The following BMP1 variants were observed in gnomAD, a reference collection of about 807,000 sequenced individuals.
The protein encoded by BMP1 is bone morphogenetic protein 1, also known as mammalian tolloid protein.
In BMP1, 63 loss-of-function variants were observed where a neutral mutation model predicts 116.8. The observed-to-expected ratio is 0.54, with a 90% CI of 0.44 to 0.67. The LOEUF is 0.67. Ranked by LOEUF, BMP1 falls within the 30% of genes least tolerant of loss-of-function variation. The pLI, the probability that BMP1 is intolerant of heterozygous loss-of-function variation, is 0.00. For synonymous variants in BMP1, 536 were observed against 533.4 expected (o/e 1.00, Z -0.07); for missense variants, 1,183 against 1,358.9 (o/e 0.87, Z 2.04).
At chr8:22,196,480 C>T (rs1383873076) in intron 13 of BMP1, 200 bp from the exon 14 acceptor site, 1 of 668,056 alleles carries the variant, frequency 1.5e-6, no homozygotes, top group East Asian at 2.7e-5. Context: ...TCCCCCACTC[C>T]TCCCTACAGG....
rs561535453 is a variant in BMP1 at position 22,211,831 on chromosome 8, G to A, written c.*103G>A. 6 of 1,566,144 alleles carry A rather than the reference G, an allele frequency of 3.8e-6. No homozygotes were observed. In the East Asian group the frequency reaches 1.1e-4, roughly 29 times the overall value. Reference sequence around the variant, plus strand: ...GCAACGCACCATCCCTCTCCCCCAGGCCCCAGGACCTGCAGGGCCAATGGC... The same window carrying A: ...GCAACGCACCATCCCTCTCCCCCAGACCCCAGGACCTGCAGGGCCAATGGC... On this transcript the variant is annotated 3_prime_UTR_variant, in exon 20 of 20. Coordinates refer to ENST00000306385, the MANE Select transcript of BMP1 (RefSeq NM_006129.5).
rs368435767 is a variant in BMP1, at chr8:22,173,691, C to T, written c.238C>T (p.Arg80Cys). ...QAVDLRRHTARKSSIKAAVPG... is the reference protein window; with the variant it reads ...QAVDLRRHTACKSSIKAAVPG... ...TGTGGATCTCAGACGGCACACAGCT[C>T]GTAAGTCCTCCATCAAAGCTGCAGG... The change falls in exon 2 of 20, where the codon CGT becomes TGT. Residue 80 changes from arginine to cysteine, a missense_variant. Transcript: ENST00000306385. The T allele has an allele frequency of 2.5e-6, 4 of 1,612,778 alleles. No homozygotes were observed. Among genetic ancestry groups the T allele is most frequent in the African/African-American group, 1.3e-5 (1 of 74,856 alleles).
chr8:22,184,368 C>T (rs58769851), intron 8 of BMP1, among the ~76,000 whole-genome samples: 163 of 152,380 alleles, frequency 1.1e-3, no homozygotes, highest in African/African-American at 3.0e-3. Context: ...TGCCTTGGGG[C>T]TGCTCCCGCT....
chr8:22,173,209 GA>G (rs1226700571), intron 1 of BMP1, among the ~76,000 whole-genome samples: 2 of 152,180 alleles, frequency 1.3e-5, no homozygotes, highest in African/African-American at 4.8e-5. Flanking sequence ...AGCCACTGGA[GA>G]GGCTGAGGAG....
At chr8:22,191,890 G>A (rs1158230927) in intron 8 of BMP1, among the ~76,000 whole-genome samples, 159 bp from the exon 9 acceptor site, 1 of 152,218 alleles carries the variant, frequency 6.6e-6, no homozygotes. Flanking sequence ...AACTGTGGAG[G>A]AGGGGCGGTT....
chr8:22,210,075 C>T lies in BMP1; in HGVS notation c.2826+380C>T, dbSNP rs548165328. ...GGGGGGCAGAGGTTGGCACCAGAGC[C>T]GGGGACAGGGCGCCTGAGCGGAGTG... On this transcript the variant is annotated intron_variant, in intron 19 of 19. Transcript: ENST00000306385. Among the ~76,000 whole-genome samples the T allele has an allele frequency of 1.1e-3, 167 of 152,352 alleles. No homozygotes were observed. The South Asian group carries it at 0.013, about 12-fold the overall frequency.
intron 2 of BMP1, among the ~76,000 whole-genome samples, chr8:22,175,619 A>T (rs1178050685): frequency 6.6e-6 from 1 of 152,136 alleles, no homozygotes; most frequent in Non-Finnish European, 1.5e-5. Flanking sequence ...AAGACACCTT[A>T]CTTAATATGG....
rs73670369 is a variant in BMP1 at position 22,181,410 on chromosome 8, G to T, written c.1077+927G>T. ...CTCGTTACTAATTGGTGGCAAGTAG[G>T]GTGGACACCGAGTGTGGGGAGGGCC... On this transcript the variant is annotated intron_variant, in intron 8 of 19. Coordinates refer to ENST00000306385, the MANE Select transcript of BMP1 (RefSeq NM_006129.5). 7.1e-3 allele frequency among the ~76,000 whole-genome samples: 1,087 copies of T among 152,288 alleles called. 10 individuals are homozygous for T. The highest frequency in any genetic ancestry group is 0.025 in the African/African-American group (1,032 of 41,556).
At chr8:22,180,539 A>C in intron 8 of BMP1, 56 bp downstream of exon 8, 3 of 1,508,438 alleles carry the variant, frequency 2.0e-6, no homozygotes, top group Non-Finnish European at 2.7e-6. Context: ...CCCATACCTC[A>C]GGGACTTCTC....
In BMP1 at chr8:22,165,427, C is replaced by T. The variant is rs756525361; in HGVS notation, c.22C>T (p.Pro8Ser). MPGVARL[P>S]LLLGLLLLPR... ...CAGCATGCCCGGCGTGGCCCGCCTG[C>T]CGCTGCTGCTCGGGCTGCTGCTGCT... Residue 8 changes from proline to serine, a missense_variant, in exon 1 of 20, where the codon CCG becomes TCG. Coordinates refer to ENST00000306385, the MANE Select transcript of BMP1 (RefSeq NM_006129.5). The T allele has an allele frequency of 8.3e-5, 129 of 1,549,300 alleles. No homozygotes were observed. The highest frequency in any genetic ancestry group is 1.1e-4 in the Non-Finnish European group (124 of 1,153,878).
chr8:22,192,881 A>C (rs760630226), intron 9 of BMP1, among the ~76,000 whole-genome samples: 8 of 152,240 alleles, frequency 5.3e-5, no homozygotes, highest in Non-Finnish European at 1.0e-4. Flanking sequence ...CTCTTTGGCA[A>C]CAGAACCTCT....
Position 22,179,898 on chromosome 8 carries a change from T to C in BMP1, c.961+69T>C. The stretch of plus-strand genomic sequence containing the variant: ...CTGAGGGAGGCAGAGGCCAGGTGCC[T>C]GGTGCCACCAAGAAGGCTTAGGCTG... On this transcript the variant is annotated intron_variant, in intron 7 of 19. Transcript: ENST00000306385. This position sits in a 1 kb window ranked among gnomAD's most constrained non-coding sequence, Gnocchi z 4.6. 1.3e-6 allele frequency: 2 copies of C among 1,489,478 alleles called. No homozygotes were observed. The highest frequency in any genetic ancestry group is 1.8e-6 in the Non-Finnish European group (2 of 1,097,056). 92.3% of individuals were successfully genotyped at this position (1,489,478 alleles called of 1,614,324 possible). A position where few individuals can be genotyped will look rare whatever the true frequency, so the allele number is the denominator to read the frequency against.
At chr8:22,210,436 T>A (rs1829441973) in intron 19 of BMP1, among the ~76,000 whole-genome samples, 1 of 125,956 alleles carries the variant, frequency 7.9e-6, no homozygotes, top group Non-Finnish European at 1.7e-5. Context: ...TACCCATCTC[T>A]CTCTCTTTCC....
chr8:22,196,753 C>G lies in BMP1; in HGVS notation c.1839C>G (p.Pro613=), dbSNP rs758662328. 1.9e-6 allele frequency: 3 copies of G among 1,614,122 alleles called. No homozygotes were observed. The highest frequency in any genetic ancestry group is 1.1e-5 in the South Asian group (1 of 91,084). ...CGGGCTGGCCCAAGGAGTACCCCCCCAACAAGAACTGCATCTGGCAGCTGG... is the reference window on the plus strand; with the variant it reads ...CGGGCTGGCCCAAGGAGTACCCCCCGAACAAGAACTGCATCTGGCAGCTGG... ...TSPGWPKEYP[P]NKNCIWQLVA... is the part of the protein sequence containing the mutation. The change falls in exon 14 of 20, where the codon CCC becomes CCG. Residue 613 remains proline, a synonymous_variant. Coordinates refer to ENST00000306385, the MANE Select transcript of BMP1 (RefSeq NM_006129.5).
At chr8:22,199,002 C>A in intron 15 of BMP1, 1 of 1,315,002 alleles carries the variant, frequency 7.6e-7, no homozygotes, top group Non-Finnish European at 1.0e-6. Flanking sequence ...TCGTCTCTTC[C>A]TGCCCTTCTG....
intron 1 of BMP1, among the ~76,000 whole-genome samples, chr8:22,171,952 A>G (rs551940857): frequency 6.6e-6 from 1 of 152,250 alleles, no homozygotes. Context: ...ATGCGCAAGG[A>G]TGTGTGTCCC....
intron 16 of BMP1, among the ~76,000 whole-genome samples, chr8:22,203,922 A>T (rs1189558205): frequency 2.6e-5 from 4 of 152,260 alleles, no homozygotes; most frequent in African/African-American, 9.6e-5. Flanking sequence ...GATAGCCAGG[A>T]CAGGGGTGAA....
intron 16 of BMP1, among the ~76,000 whole-genome samples, chr8:22,203,359 C>G (rs1331196402): frequency 3.3e-5 from 5 of 152,154 alleles, no homozygotes; most frequent in Non-Finnish European, 7.4e-5. Context: ...AATTCAAGAC[C>G]AGCCTGGCCA....
In BMP1 at chr8:22,179,856, G is replaced by T; in HGVS notation, c.961+27G>T. On this transcript the variant is annotated intron_variant, in intron 7 of 19. Transcript: ENST00000306385. This position sits in a 1 kb window ranked among gnomAD's most constrained non-coding sequence, Gnocchi z 4.6. ...TCAGGGCAGAGAAGGGATGGGTGAGGGCGTGGAGGGCAGGGCCTGAGGGAG... is the reference window on the plus strand; with the variant it reads ...TCAGGGCAGAGAAGGGATGGGTGAGTGCGTGGAGGGCAGGGCCTGAGGGAG... The T allele has an allele frequency of 1.2e-6, 2 of 1,602,054 alleles. No individual in the cohort carries two copies. Among genetic ancestry groups the T allele is most frequent in the Non-Finnish European group, 8.5e-7 (1 of 1,172,344 alleles).
Sources: allele counts gnomAD v4.1 joint callset (sites outside exome capture counted in the v4.1 genomes callset), GRCh38; gene constraint gnomAD v4.1.1; non-coding constraint Gnocchi (gnomAD v3.1); transcripts MANE v1.5; gene names NCBI Gene and HGNC (gene_info 2026-07-23, HGNC 2026-07-21).